Variants in DUSP15 observed in about 807,000 individuals in gnomAD.
DUSP15 encodes dual specificity phosphatase 15.
In DUSP15, 23 loss-of-function variants were observed where a neutral mutation model predicts 26.3. The ratio of observed to expected loss-of-function variants is 0.87; its 90% CI spans 0.63 to 1.24. The LOEUF is 1.24. Among genes scored for constraint, DUSP15 ranks in the 50% most tolerant of loss-of-function variants. The pLI is 0.00. For missense variants in DUSP15, 364 were observed against 320.6 expected (o/e 1.14, Z -1.03); for synonymous variants, 143 against 135.5 (o/e 1.06, Z -0.39).
exon 9 of DUSP15, chr20:31,848,866 G>A (rs1445742477): frequency 6.2e-7 from 1 of 1,612,162 alleles, no homozygotes; most frequent in Non-Finnish European, 8.5e-7. Flanking sequence ...CCTCACCGAA[G>A]CACAGACAGA....
intron 5 of DUSP15, 137 bp downstream of exon 5, chr20:31,863,770 T>C: frequency 1.2e-6 from 1 of 824,196 alleles, no homozygotes; most frequent in Admixed American, 2.3e-5. Context: ...CTCCAGTGAA[T>C]GGTGGGCCCT....
chr20:31,846,287 GACACAGAC>G (rs2062376971), downstream of DUSP15, among the ~76,000 whole-genome samples: 13 of 133,508 alleles, frequency 9.7e-5, no homozygotes, highest in African/African-American at 3.9e-4. Context: ...CAGAGACACA[GACACAGAC>G]ACACACACAC....
At chr20:31,849,911 G>C in intron 7 of DUSP15, 1 of 1,443,848 alleles carries the variant, frequency 6.9e-7, no homozygotes, top group East Asian at 2.6e-5. Flanking sequence ...CTGGACGTGG[G>C]CGGCGCTAGC....
At chr20:31,862,886 C>T in intron 5 of DUSP15, 144 bp from the exon 6 acceptor site, 2 of 826,006 alleles carry the variant, frequency 2.4e-6, no homozygotes, top group Non-Finnish European at 3.6e-6. Context: ...CATCCCACCT[C>T]CAGGCCTTTG....
Position 31,870,314 on chromosome 20 carries a change from T to C in DUSP15, c.21+3A>G. 8.0e-7 allele frequency: 1 copy of C among 1,247,586 alleles called. No individual in the cohort carries two copies. The highest frequency in any genetic ancestry group is 1.6e-5 in the African/African-American group (1 of 64,498). 77.3% of individuals were successfully genotyped at this position (1,247,586 alleles called of 1,614,324 possible). Reference sequence around the variant, plus strand: ...GGGAGGCTGCGCGGGGCCCGCCCCCTACCTTGGTCATGCCATTGCCCATGA... The same window carrying C: ...GGGAGGCTGCGCGGGGCCCGCCCCCCACCTTGGTCATGCCATTGCCCATGA... On this transcript the variant is annotated splice_donor_region_variant and intron_variant, in intron 1 of 6. Coordinates refer to ENST00000339738, the MANE Select transcript of DUSP15 (RefSeq NM_080611.5). This position sits in a 1 kb window ranked among gnomAD's most constrained non-coding sequence, Gnocchi z 6.6.
chr20:31,858,147 G>A (rs1189898224), downstream of DUSP15, among the ~76,000 whole-genome samples: 3 of 152,194 alleles, frequency 2.0e-5, no homozygotes, highest in African/African-American at 7.2e-5. The surrounding 1 kb of genome is among the most constrained non-coding windows in gnomAD (Gnocchi z 4.4). Flanking sequence ...CCCTTGCCCT[G>A]AAGAGTGCTG....
intron 2 of DUSP15, among the ~76,000 whole-genome samples, chr20:31,868,479 T>C (rs1458971282): frequency 5.1e-5 from 6 of 116,832 alleles, no homozygotes; most frequent in East Asian, 2.0e-4. Context: ...TCTTTCTCTT[T>C]TTTTTTTTTT....
chr20:31,862,532 C>T (rs2062682529), intron 6 of DUSP15, 39 bp downstream of exon 6: 1 of 1,542,692 alleles, frequency 6.5e-7, no homozygotes, highest in African/African-American at 1.4e-5. Flanking sequence ...GAAGGATCTC[C>T]CACCCCTGGC....
chr20:31,848,344 A>G (rs950676874), exon 10 of DUSP15: 3 of 1,468,116 alleles, frequency 2.0e-6, no homozygotes, highest in Middle Eastern at 1.8e-4. Context: ...CCCCAAGTCT[A>G]TGGGCTTAGT....
chr20:31,867,011 TG>T, intron 3 of DUSP15, 59 bp downstream of exon 3: 1 of 1,473,352 alleles, frequency 6.8e-7, no homozygotes. Context: ...AGTAGATATT[TG>T]ATAAACAGGT....
At chr20:31,852,911 C>G (rs1218531175) in intron 6 of DUSP15, among the ~76,000 whole-genome samples, 1 of 152,220 alleles carries the variant, frequency 6.6e-6, no homozygotes, top group African/African-American at 2.4e-5. Context: ...ATCGTTTCTT[C>G]CAGGTGGAGG....
chr20:31,855,677 A>C (rs1568667641), intron 6 of DUSP15, among the ~76,000 whole-genome samples: 1 of 152,188 alleles, frequency 6.6e-6, no homozygotes, highest in African/African-American at 2.4e-5. Context: ...ATACGTCTTA[A>C]GGGACAGGCC....
At chr20:31,858,582 G>A (rs545677945), downstream of DUSP15, among the ~76,000 whole-genome samples, 4 of 152,336 alleles carry the variant, frequency 2.6e-5, no homozygotes, top group East Asian at 1.9e-4. The surrounding 1 kb of genome is among the most constrained non-coding windows in gnomAD (Gnocchi z 4.4). Flanking sequence ...GGCAGGAGGC[G>A]CTGTGAGACA....
chr20:31,851,189 C>G (rs1163523641), intron 6 of DUSP15, among the ~76,000 whole-genome samples: 1 of 151,940 alleles, frequency 6.6e-6, no homozygotes, highest in Non-Finnish European at 1.5e-5. Flanking sequence ...AGAGATGGGT[C>G]ACTGTGATAG....
chr20:31,849,801 A>C (rs1183258792), exon 8 of DUSP15: 2 of 1,535,772 alleles, frequency 1.3e-6, no homozygotes, highest in Admixed American at 4.0e-5. Flanking sequence ...CTCAGACGAC[A>C]GCGCTGGGCT....
At chr20:31,846,467 A>AGAGAGAGAGAGAGAGAGAGAG (rs1187447286), downstream of DUSP15, among the ~76,000 whole-genome samples, 7 of 81,206 alleles carry the variant, frequency 8.6e-5, no homozygotes, top group African/African-American at 5.5e-4. Flanking sequence ...AGAGAGAGAG[A>AGAGAGAGAGAGAGAGAGAGAG]GAGAGAGAGG....
At chr20:31,867,424 T>A (rs749239149) in intron 2 of DUSP15, among the ~76,000 whole-genome samples, 8 of 152,242 alleles carry the variant, frequency 5.3e-5, no homozygotes, top group Non-Finnish European at 1.0e-4. Flanking sequence ...AGGAATCTTG[T>A]CTACAGAAGC....
In DUSP15 at chr20:31,870,308, G is replaced by T; in HGVS notation, c.21+9C>A. 8.0e-7 allele frequency: 1 copy of T among 1,246,688 alleles called. No homozygotes were observed. Among genetic ancestry groups the T allele is most frequent in the Non-Finnish European group, 1.0e-6 (1 of 996,100 alleles). 77.2% of individuals were successfully genotyped at this position (1,246,688 alleles called of 1,614,324 possible). A position where few individuals can be genotyped will look rare whatever the true frequency, so the allele number is the denominator to read the frequency against. ...GGACCGGGGAGGCTGCGCGGGGCCC[G>T]CCCCCTACCTTGGTCATGCCATTGC... On this transcript the variant is annotated intron_variant, in intron 1 of 6. Transcript: ENST00000339738. This position sits in a 1 kb window ranked among gnomAD's most constrained non-coding sequence, Gnocchi z 6.6.
At chr20:31,855,571 G>T (rs1408015064) in intron 6 of DUSP15, among the ~76,000 whole-genome samples, 1 of 152,194 alleles carries the variant, frequency 6.6e-6, no homozygotes, top group African/African-American at 2.4e-5. Context: ...TGACAGTGGT[G>T]GATTGAGGGA....
Sources: gnomAD v4.1 joint callset for allele counts (sites outside exome capture counted in the v4.1 genomes callset) on GRCh38, gnomAD v4.1.1 for gene constraint, Gnocchi (gnomAD v3.1) non-coding constraint, MANE v1.5 for transcripts, NCBI Gene and HGNC (gene_info 2026-07-23, HGNC 2026-07-21) for gene names.